Variants in PRKCB observed in about 807,000 individuals in gnomAD.
PRKCB encodes the protein protein kinase C beta type.
In PRKCB, 13 loss-of-function variants were observed where a neutral mutation model predicts 81.5. The observed-to-expected ratio is 0.16, with a 90% CI of 0.10 to 0.25. PRKCB has a LOEUF of 0.25. Ranked by LOEUF, PRKCB falls within the 10% of genes least tolerant of loss-of-function variation. The probability of loss-of-function intolerance (pLI) is 1.00; values close to 1 mark genes in which losing one functional copy is unlikely to be tolerated. For missense variants in PRKCB, 509 were observed against 875.7 expected (o/e 0.58, Z 5.29); for synonymous variants, 335 against 321.4 (o/e 1.04, Z -0.45).
chr16:24,015,464 G>T (rs1055990086), intron 3 of PRKCB, among the ~76,000 whole-genome samples: 3 of 152,214 alleles, frequency 2.0e-5, no homozygotes, highest in African/African-American at 7.2e-5. Context: ...CAGGTCACGG[G>T]GGTTGAGGCA....
chr16:24,172,884 T>TA (rs1364388632), intron 11 of PRKCB, among the ~76,000 whole-genome samples: 1 of 152,192 alleles, frequency 6.6e-6, no homozygotes, highest in Non-Finnish European at 1.5e-5. Context: ...ATTGAGAACT[T>TA]ACTATAAGCC....
At position 24,219,431 on chromosome 16, in the gene PRKCB, C is replaced by G. The variant is rs576504109; in HGVS notation, c.*4615C>G. ...CGAGCTGACGGTGGTCAATTCCTTT[C>G]ATTAAGCAGTGATCTGATTTCTCCA... is the stretch of plus-strand genomic sequence containing the variant. On this transcript the variant is annotated 3_prime_UTR_variant, in exon 17 of 17. Coordinates refer to ENST00000643927, the MANE Select transcript of PRKCB (RefSeq NM_002738.7). 1.8e-5 allele frequency: 18 copies of G among 985,720 alleles called. 1 individual carries two copies. The Middle Eastern group carries it at 2.6e-3, about 141-fold the overall frequency. 61.1% of individuals were successfully genotyped at this position (985,720 alleles called of 1,614,324 possible).
intron 2 of PRKCB, among the ~76,000 whole-genome samples, chr16:23,855,331 T>C (rs1962546702): frequency 6.6e-6 from 1 of 152,176 alleles, no homozygotes; most frequent in Admixed American, 6.5e-5. Context: ...CTTAGGCATC[T>C]TTCTTTTTAA....
At chr16:24,077,403 C>T (rs1274631476) in intron 5 of PRKCB, among the ~76,000 whole-genome samples, 2 of 150,166 alleles carry the variant, frequency 1.3e-5, no homozygotes, top group Admixed American at 1.3e-4. Flanking sequence ...ATCTCTCCAT[C>T]CATCCATCCA....
chr16:23,836,464 C>T, intron 1 of PRKCB, 116 bp downstream of exon 1: 1 of 1,416,988 alleles, frequency 7.1e-7, no homozygotes, highest in South Asian at 1.4e-5. Flanking sequence ...GACCCCGCGT[C>T]TCCGGACTCC....
chr16:24,074,830 T>C (rs961565066), intron 5 of PRKCB, among the ~76,000 whole-genome samples: 1 of 152,146 alleles, frequency 6.6e-6, no homozygotes, highest in Non-Finnish European at 1.5e-5. Flanking sequence ...TGTTTAAATT[T>C]AAATTAACGA....
intron 9 of PRKCB, among the ~76,000 whole-genome samples, chr16:24,147,756 G>A (rs988474847): frequency 1.3e-5 from 2 of 152,142 alleles, no homozygotes; most frequent in Non-Finnish European, 2.9e-5. Context: ...AGTGGAATAC[G>A]GACGAGTCAC....
At chr16:24,154,648 T>G (rs1253114141) in intron 9 of PRKCB, 36 bp from the exon 10 acceptor site, 1 of 1,610,000 alleles carries the variant, frequency 6.2e-7, no homozygotes, top group East Asian at 2.2e-5. Context: ...CCCAGACTCC[T>G]TCCAACTGCC....
intron 8 of PRKCB, among the ~76,000 whole-genome samples, chr16:24,115,567 G>A (rs542883173): frequency 1.3e-5 from 2 of 151,310 alleles, no homozygotes; most frequent in East Asian, 3.9e-4. Flanking sequence ...TTATCCCGAT[G>A]ATTTTAGCAT....
At chr16:24,023,614 A>C (rs1248753745) in intron 3 of PRKCB, among the ~76,000 whole-genome samples, 2 of 152,064 alleles carry the variant, frequency 1.3e-5, no homozygotes, top group African/African-American at 2.4e-5. Context: ...GTGATCCGCC[A>C]GCCTCGGCCT....
In PRKCB at chr16:24,154,934, C is replaced by T. The variant is rs540401484; in HGVS notation, c.1239+77C>T. On this transcript the variant is annotated intron_variant, in intron 10 of 16. Coordinates refer to ENST00000643927, the MANE Select transcript of PRKCB (RefSeq NM_002738.7). The stretch of plus-strand genomic sequence containing the variant: ...TTGGCCAAAGCTATCTTAGCAGCAC[C>T]CAGCACAGAGATACCTGCACCCTTC... 314 of 1,488,862 alleles carry T rather than the reference C, an allele frequency of 2.1e-4. 6 individuals carry two copies. The South Asian group carries it at 3.7e-3, about 18-fold the overall frequency. The allele number at this position is 1,488,862 out of a possible 1,614,324, so 92.2% of individuals were successfully genotyped here.
At chr16:23,910,589 T>C (rs978501222) in intron 2 of PRKCB, among the ~76,000 whole-genome samples, 3 of 152,208 alleles carry the variant, frequency 2.0e-5, no homozygotes, top group African/African-American at 2.4e-5. Context: ...TTTATTTTCA[T>C]GGGAAACTTA....
At chr16:24,143,521 C>T (rs968559099) in intron 9 of PRKCB, among the ~76,000 whole-genome samples, 3 of 152,072 alleles carry the variant, frequency 2.0e-5, no homozygotes, top group Non-Finnish European at 2.9e-5. Context: ...CAAGCCTGCT[C>T]CCTAGCAGGG....
At chr16:24,123,365 A>C (rs759562553) in intron 8 of PRKCB, among the ~76,000 whole-genome samples, 12 of 152,202 alleles carry the variant, frequency 7.9e-5, no homozygotes, top group Non-Finnish European at 1.5e-4. Context: ...GGAGCTGGAA[A>C]GCCAGGTAGG....
chr16:24,104,791 G>T (rs1381689785), intron 7 of PRKCB, among the ~76,000 whole-genome samples: 1 of 152,178 alleles, frequency 6.6e-6, no homozygotes, highest in Non-Finnish European at 1.5e-5. Context: ...GCTGGAGCTG[G>T]ATCCATGAGG....
At chr16:23,976,723 G>A (rs911768940) in intron 2 of PRKCB, among the ~76,000 whole-genome samples, 7 of 152,274 alleles carry the variant, frequency 4.6e-5, no homozygotes, top group African/African-American at 4.8e-5. Flanking sequence ...TTAGACCATG[G>A]CATTGTGTCC....
At chr16:24,056,223 T>G (rs938578049) in intron 5 of PRKCB, among the ~76,000 whole-genome samples, 2 of 152,262 alleles carry the variant, frequency 1.3e-5, no homozygotes. Flanking sequence ...GCTCTGGCCA[T>G]GATTTCCCCA....
Position 23,860,375 on chromosome 16 carries a change from G to A in PRKCB, c.205+22969G>A, listed in dbSNP as rs527490506. ...TGGGGGAGAAGATAGAGAATTATGC[G>A]TTGGGTATGTTGAGGATGAGGTGCC... On this transcript the variant is annotated intron_variant, in intron 2 of 16. Coordinates refer to ENST00000643927, the MANE Select transcript of PRKCB (RefSeq NM_002738.7). 5.9e-5 allele frequency among the ~76,000 whole-genome samples: 9 copies of A among 152,274 alleles called. No individual in the cohort carries two copies. In the South Asian group the frequency reaches 1.5e-3, roughly 25 times the overall value.
chr16:23,932,698 T>C (rs1026798997), intron 2 of PRKCB, among the ~76,000 whole-genome samples: 5 of 152,214 alleles, frequency 3.3e-5, no homozygotes, highest in African/African-American at 1.2e-4. Flanking sequence ...TCAGAGGTCA[T>C]GTGGACCAGA....
Sources: gnomAD v4.1 joint callset for allele counts (sites outside exome capture counted in the v4.1 genomes callset) on GRCh38, gnomAD v4.1.1 for gene constraint, MANE v1.5 for transcripts, NCBI Gene and HGNC (gene_info 2026-07-23, HGNC 2026-07-21) for gene names.